PGR: variants seen among roughly 807,000 people sequenced by gnomAD.
PGR encodes the protein progesterone receptor, also known as nuclear receptor subfamily 3 group C member 3.
Under a neutral mutation model 76.1 loss-of-function variants are expected in PGR, and 25 were observed. The observed-to-expected ratio is 0.33, with a 90% CI of 0.24 to 0.46. The LOEUF is 0.46. Ranked by LOEUF, PGR falls within the 20% of genes least tolerant of loss-of-function variation. The pLI is 1.00. For synonymous variants in PGR, 579 were observed against 535.0 expected, an observed-to-expected ratio of 1.08 and a Z score of -1.14; for missense variants, 1,172 against 1,225.3, an observed-to-expected ratio of 0.96 and a Z score of 0.65.
chr11:101,083,275 G>C (rs925228486), intron 3 of PGR, among the ~76,000 whole-genome samples: 7 of 152,250 alleles, frequency 4.6e-5, no homozygotes, highest in African/African-American at 1.7e-4. Context: ...TTCAGAGGAT[G>C]TATGGAAATG....
In PGR at chr11:101,129,421, T is replaced by C; in HGVS notation, c.-351A>G. 3.5e-6 allele frequency: 1 copy of C among 286,054 alleles called. No homozygotes were observed. The highest frequency in any genetic ancestry group is 6.5e-6 in the Non-Finnish European group (1 of 153,154). 17.7% of individuals were successfully genotyped at this position (286,054 alleles called of 1,614,324 possible). On this transcript the variant is annotated 5_prime_UTR_variant, in exon 1 of 8. Transcript: ENST00000325455. ...CTGTCCGAGGACTGGAGACGCAGAG[T>C]ACTCACAAGTCCGGCACTTGAGTGG...
chr11:101,066,419 A>G (rs1252161008), intron 3 of PGR, among the ~76,000 whole-genome samples: 46 of 152,028 alleles, frequency 3.0e-4, no homozygotes, highest in Admixed American at 3.0e-3. Flanking sequence ...CTCAACTTCT[A>G]AATCTTTGAG....
At position 101,128,796 on chromosome 11, in the gene PGR, G is replaced by T. The variant is rs1862991270; in HGVS notation, c.275C>A (p.Ala92Asp). 6.2e-7 allele frequency: 1 copy of T among 1,614,164 alleles called. No individual in the cohort carries two copies. Among genetic ancestry groups the T allele is most frequent in the Non-Finnish European group, 8.5e-7 (1 of 1,180,044 alleles). The change falls in exon 1 of 8, where the codon GCT becomes GAT. Residue 92 changes from alanine (A) to aspartate (D), a missense_variant. This residue lies in a region of PGR where 893 missense variants were observed against 785.9 expected (regional missense o/e 1.14). Coordinates refer to ENST00000325455, the MANE Select transcript of PGR (RefSeq NM_000926.4). ...DVEGAYSRAE[A>D]TRGAGGSSSS... ...ACTGCTGCCTCCAGCACCCCTTGTAGCTTCAGCTCTGGAATATGCGCCCTC... is the reference window on the plus strand; with the variant it reads ...ACTGCTGCCTCCAGCACCCCTTGTATCTTCAGCTCTGGAATATGCGCCCTC...
chr11:101,041,534 C>A, intron 7 of PGR: 2 of 164,452 alleles, frequency 1.2e-5, no homozygotes, highest in Non-Finnish European at 1.3e-5. Flanking sequence ...TTAACTTTTG[C>A]TATGTATTGC....
intron 3 of PGR, among the ~76,000 whole-genome samples, chr11:101,067,070 G>C (rs887965063): frequency 2.0e-5 from 3 of 152,044 alleles, no homozygotes; most frequent in Non-Finnish European, 4.4e-5. Flanking sequence ...TGCATAGATG[G>C]TCTCTCTTCT....
intron 3 of PGR, among the ~76,000 whole-genome samples, chr11:101,074,810 G>A (rs558921677): frequency 1.3e-5 from 2 of 152,064 alleles, no homozygotes; most frequent in Non-Finnish European, 2.9e-5. Context: ...ACAAATCAAC[G>A]CTCAAGGAAA....
At position 101,128,072 on chromosome 11, in the gene PGR, G is replaced by C. The variant is rs1230090221; in HGVS notation, c.999C>G (p.Ala333=). The change falls in exon 1 of 8, where the codon GCC becomes GCG. Residue 333 remains alanine (A), a synonymous_variant. Transcript: ENST00000325455. ...LLEDESYDGG[A]GAASAFAPPR... ...GCGGGGCAAAGGCGCTGGCAGCCCC[G>C]GCCCCGCCGTCGTAACTTTCGTCTT... is the stretch of plus-strand genomic sequence containing the variant. 6.2e-7 allele frequency: 1 copy of C among 1,600,670 alleles called. No homozygotes were observed. Among genetic ancestry groups the C allele is most frequent in the East Asian group, 2.2e-5 (1 of 44,784 alleles).
chr11:101,067,201 T>G (rs150800971), intron 3 of PGR, among the ~76,000 whole-genome samples: 1 of 152,314 alleles, frequency 6.6e-6, no homozygotes, highest in Admixed American at 6.5e-5. Flanking sequence ...GATATTTGCA[T>G]GGCTTGCTTC....
At chr11:101,115,945 T>C (rs757406032) in intron 2 of PGR, among the ~76,000 whole-genome samples, 2 of 152,196 alleles carry the variant, frequency 1.3e-5, no homozygotes, top group Non-Finnish European at 2.9e-5. Flanking sequence ...AAATTCAAAA[T>C]TGTTTGTATT....
At chr11:101,122,630 T>C (rs138373149) in intron 2 of PGR, among the ~76,000 whole-genome samples, 2 of 152,342 alleles carry the variant, frequency 1.3e-5, no homozygotes, top group East Asian at 1.9e-4. Context: ...TTTTGGCCAA[T>C]ACTATATCCT....
chr11:101,122,346 C>T (rs554755288), intron 2 of PGR, among the ~76,000 whole-genome samples: 35 of 152,282 alleles, frequency 2.3e-4, no homozygotes, highest in African/African-American at 7.9e-4. Context: ...GTGGCGTTAT[C>T]AGTTATGATG....
intron 3 of PGR, among the ~76,000 whole-genome samples, chr11:101,090,864 G>A (rs976235487): frequency 2.0e-5 from 3 of 152,134 alleles, no homozygotes; most frequent in African/African-American, 4.8e-5. Context: ...AGTTGTATAC[G>A]CTTTAAACTT....
intron 3 of PGR, among the ~76,000 whole-genome samples, chr11:101,085,096 A>T (rs1385188788): frequency 4.6e-5 from 7 of 152,156 alleles, no homozygotes; most frequent in Admixed American, 4.6e-4. Flanking sequence ...TCTAATAAAC[A>T]TCTACAGAAT....
chr11:101,064,329 C>T (rs1439970179), intron 3 of PGR, among the ~76,000 whole-genome samples: 1 of 47,084 alleles, frequency 2.1e-5, no homozygotes, highest in African/African-American at 1.0e-4. Flanking sequence ...GAAACTCCAC[C>T]TCAAAAAAAA....
chr11:101,054,018 T>C (rs1227333196), intron 4 of PGR, among the ~76,000 whole-genome samples: 3 of 152,100 alleles, frequency 2.0e-5, no homozygotes, highest in Non-Finnish European at 4.4e-5. Context: ...AAGAGAAAGA[T>C]ATGACTATTT....
intron 2 of PGR, among the ~76,000 whole-genome samples, chr11:101,124,471 A>T (rs896747458): frequency 2.0e-5 from 3 of 152,156 alleles, no homozygotes; most frequent in African/African-American, 7.2e-5. Flanking sequence ...TAGTTTTGTG[A>T]CCTTTGGAAA....
intron 2 of PGR, among the ~76,000 whole-genome samples, chr11:101,106,637 C>T (rs187188240): frequency 6.6e-6 from 1 of 152,290 alleles, no homozygotes; most frequent in African/African-American, 2.4e-5. Context: ...TTAGTTCAAC[C>T]ATTGTGGAAG....
intron 6 of PGR, 63 bp from the exon 7 acceptor site, chr11:101,042,165 CAT>C (rs879364262): frequency 7.3e-6 from 11 of 1,516,684 alleles, no homozygotes; most frequent in Admixed American, 1.7e-5. Flanking sequence ...CAATTTATAA[CAT>C]ATATTTCTGA....
At position 101,035,612 on chromosome 11, in the gene PGR, A is replaced by T. The variant is rs1366719760; in HGVS notation, c.*3504T>A. Reference sequence around the variant, plus strand: ...TTTTTGGAGGGGCTGTGTTCTAGTCAGGCTCTCTGTTCTAAAAAGACACTT... The same window carrying T: ...TTTTTGGAGGGGCTGTGTTCTAGTCTGGCTCTCTGTTCTAAAAAGACACTT... On this transcript the variant is annotated 3_prime_UTR_variant, in exon 8 of 8. Transcript: ENST00000325455. 4.3e-6 allele frequency: 1 copy of T among 232,112 alleles called. No homozygotes were observed. The highest frequency in any genetic ancestry group is 6.1e-5 in the East Asian group (1 of 16,364). The allele number at this position is 232,112 out of a possible 1,614,324, so 14.4% of individuals were successfully genotyped here. A position where few individuals can be genotyped will look rare whatever the true frequency, so the allele number is the denominator to read the frequency against.
Sources: gnomAD v4.1 joint callset for allele counts (sites outside exome capture counted in the v4.1 genomes callset) on GRCh38, gnomAD v4.1.1 for gene constraint, gnomAD v4.1.1 regional missense constraint, MANE v1.5 for transcripts, NCBI Gene and HGNC (gene_info 2026-07-23, HGNC 2026-07-21) for gene names.